The following CRACD variants were observed in gnomAD, a reference collection of about 807,000 sequenced individuals.
CRACD encodes capping protein-inhibiting regulator of actin dynamics.
A neutral mutation model predicts 106.8 loss-of-function variants in CRACD; 56 were observed. The ratio of observed to expected loss-of-function variants is 0.52; its 90% CI spans 0.42 to 0.66. The LOEUF is 0.66. CRACD is among the 30% of genes least tolerant of loss of function. The probability of loss-of-function intolerance (pLI) is 0.00; values close to 1 mark genes in which losing one functional copy is unlikely to be tolerated. For missense variants in CRACD, 1,730 were observed against 1,623.2 expected (o/e 1.07, Z -1.13); for synonymous variants, 754 against 670.8 (o/e 1.12, Z -1.92).
At chr4:56,200,642 A>G (rs1737837528) in intron 2 of CRACD, among the ~76,000 whole-genome samples, 1 of 152,222 alleles carries the variant, frequency 6.6e-6, no homozygotes, top group African/African-American at 2.4e-5. Flanking sequence ...CAGAATTTTT[A>G]ATATAAAATT....
intron 2 of CRACD, among the ~76,000 whole-genome samples, chr4:56,212,416 T>C (rs1738453263): frequency 1.3e-5 from 2 of 152,212 alleles, no homozygotes; most frequent in Admixed American, 6.5e-5. Context: ...CTGTTCTGTC[T>C]ATGAAGTAGC....
At position 56,328,377 on chromosome 4, in the gene CRACD, T is replaced by C. The variant is rs772576537; in HGVS notation, c.*573T>C. The C allele has an allele frequency of 1.9e-5, 10 of 518,788 alleles. No individual in the cohort carries two copies. Among genetic ancestry groups the C allele is most frequent in the South Asian group, 1.4e-4 (10 of 71,562 alleles). The allele number at this position is 518,788 out of a possible 1,614,324, so 32.1% of individuals were successfully genotyped here. On this transcript the variant is annotated 3_prime_UTR_variant, in exon 11 of 11. Coordinates refer to ENST00000682029, the MANE Select transcript of CRACD (RefSeq NM_001393381.1). ...TGCCCATCTTAGTTTTCATGAGTTT[T>C]CCCCACTCTGAAGCTGTAACCCAGA...
At chr4:56,067,326 G>C (rs1443519091) in intron 1 of CRACD, among the ~76,000 whole-genome samples, 1 of 152,192 alleles carries the variant, frequency 6.6e-6, no homozygotes, top group African/African-American at 2.4e-5. Context: ...CTTGTGGGCG[G>C]CTAGTGCGAC....
At chr4:56,162,429 GAACTCTTGGTCTC>G (rs1203960984) in intron 1 of CRACD, among the ~76,000 whole-genome samples, 2 of 152,052 alleles carry the variant, frequency 1.3e-5, no homozygotes, top group Non-Finnish European at 2.9e-5. Context: ...GGCTGGTCTT[GAACTCTTGGTCTC>G]AAGATCCTCC....
At chr4:56,152,770 T>C (rs1381127117) in intron 1 of CRACD, among the ~76,000 whole-genome samples, 1 of 152,144 alleles carries the variant, frequency 6.6e-6, no homozygotes, top group Non-Finnish European at 1.5e-5. Flanking sequence ...GTCTTTTTGA[T>C]ATGTCACCCT....
intron 1 of CRACD, among the ~76,000 whole-genome samples, chr4:56,124,150 C>G (rs1014229048): frequency 6.6e-6 from 1 of 152,070 alleles, no homozygotes; most frequent in Non-Finnish European, 1.5e-5. Context: ...GTTGGCCAGG[C>G]TAGTCTTGAA....
intron 1 of CRACD, among the ~76,000 whole-genome samples, chr4:56,136,937 A>T (rs1262758822): frequency 2.0e-5 from 3 of 152,170 alleles, no homozygotes; most frequent in Admixed American, 2.0e-4. Flanking sequence ...GCGCTGTGTG[A>T]TGTATGGATT....
intron 1 of CRACD, among the ~76,000 whole-genome samples, chr4:56,136,597 G>A (rs377355361): frequency 6.6e-6 from 1 of 152,064 alleles, no homozygotes; most frequent in East Asian, 1.9e-4. Flanking sequence ...CTTACTGGGT[G>A]CTTTGATTTT....
intron 1 of CRACD, among the ~76,000 whole-genome samples, chr4:56,163,714 T>C (rs1004399452): frequency 6.6e-6 from 1 of 152,174 alleles, no homozygotes; most frequent in Non-Finnish European, 1.5e-5. Flanking sequence ...CTTCCTGTTA[T>C]TTTGATTTTC....
At chr4:56,298,421 C>T (rs1400832062) in intron 4 of CRACD, 72 bp downstream of exon 4, 13 of 1,576,206 alleles carry the variant, frequency 8.2e-6, no homozygotes, top group Admixed American at 1.8e-5. Flanking sequence ...GGAAAAGTCC[C>T]GAGCTTGGCC....
chr4:56,083,572 A>G (rs1733111474), intron 1 of CRACD, among the ~76,000 whole-genome samples: 2 of 152,176 alleles, frequency 1.3e-5, no homozygotes, highest in African/African-American at 4.8e-5. Flanking sequence ...GGCTCTATTT[A>G]GAATAGAAAA....
chr4:56,091,234 G>A (rs1733414651), intron 1 of CRACD, among the ~76,000 whole-genome samples: 1 of 151,904 alleles, frequency 6.6e-6, no homozygotes, highest in Non-Finnish European at 1.5e-5. Context: ...TAGTAGAGAC[G>A]AGATAGAGAC....
chr4:56,316,629 C>T lies in CRACD; in HGVS notation c.3127C>T (p.Pro1043Ser). 1.9e-6 allele frequency: 3 copies of T among 1,613,010 alleles called. No homozygotes were observed. The highest frequency in any genetic ancestry group is 1.1e-5 in the South Asian group (1 of 91,042). ...GGCGACAGAGAGGAAACCTGCTTCC[C>T]CACCTCTGCCTGCCACTCAGCAAGA... Reference protein sequence around the residue: ...EEATERKPASPPLPATQQEKP... With the variant: ...EEATERKPASSPLPATQQEKP... Residue 1043 changes from proline (P) to serine (S), a missense_variant, in exon 8 of 11, where the codon CCA becomes TCA. Around this residue, in one of 5 missense-constraint regions of CRACD, gnomAD observed 1,620 missense variants for 1,481.6 expected, o/e 1.09. Transcript: ENST00000682029.
intron 3 of CRACD, among the ~76,000 whole-genome samples, chr4:56,294,824 G>T (rs1413294721): frequency 3.4e-5 from 5 of 147,184 alleles, no homozygotes; most frequent in Admixed American, 2.1e-4. Context: ...TGAGGCAGGA[G>T]AATTGCTTGA....
chr4:56,219,965 A>G (rs906602698), intron 2 of CRACD, among the ~76,000 whole-genome samples: 7 of 152,250 alleles, frequency 4.6e-5, no homozygotes, highest in African/African-American at 1.7e-4. Context: ...CTGCAGGCAG[A>G]TAATATGAAG....
At chr4:56,102,874 C>A (rs1395590803) in intron 1 of CRACD, among the ~76,000 whole-genome samples, 1 of 152,198 alleles carries the variant, frequency 6.6e-6, no homozygotes, top group East Asian at 1.9e-4. Context: ...CCCTCTTTGT[C>A]TCATTCTTGA....
chr4:56,233,191 A>G (rs991318529), intron 2 of CRACD, among the ~76,000 whole-genome samples: 7 of 152,306 alleles, frequency 4.6e-5, no homozygotes, highest in South Asian at 2.1e-4. Flanking sequence ...TGTGTTAGGT[A>G]TAGAATTTAT....
In CRACD at chr4:56,056,235, G is replaced by C. The variant is rs138790455; in HGVS notation, c.-336+6936G>C. ...AGTTGTTTACAGATCGAATTCCACT[G>C]AGTTTAAAAAGTTTAAAAAAAGCAA... is the stretch of plus-strand genomic sequence containing the variant. On this transcript the variant is annotated intron_variant, in intron 1 of 10. Coordinates refer to ENST00000682029, the MANE Select transcript of CRACD (RefSeq NM_001393381.1). 2.5e-3 allele frequency among the ~76,000 whole-genome samples: 380 copies of C among 152,268 alleles called. 2 individuals carry two copies. The highest frequency in any genetic ancestry group is 7.9e-3 in the African/African-American group (330 of 41,546).
At chr4:56,097,560 T>G (rs1733638585) in intron 1 of CRACD, 1 of 152,464 alleles carries the variant, frequency 6.6e-6, no homozygotes, top group African/African-American at 2.4e-5. Context: ...AGGTAGGGAT[T>G]GGGTTTGGCT....
Sources: gnomAD v4.1 joint callset for allele counts (sites outside exome capture counted in the v4.1 genomes callset) on GRCh38, gnomAD v4.1.1 for gene constraint, gnomAD v4.1.1 regional missense constraint, MANE v1.5 for transcripts, NCBI Gene and HGNC (gene_info 2026-07-23, HGNC 2026-07-21) for gene names.